LURAP1: variants seen among roughly 807,000 people sequenced by gnomAD.
LURAP1 encodes the protein leucine rich adaptor protein 1, also known as NF-kappa-B activator C1orf190.
Under a neutral mutation model 19.0 loss-of-function variants are expected in LURAP1, and 14 were observed. That is an observed-to-expected ratio of 0.74 (90% confidence interval 0.49 to 1.15). The LOEUF (loss-of-function observed/expected upper bound fraction) is 1.15, where lower values mean the gene tolerates loss of function less well. Ranked by LOEUF, LURAP1 falls within the 50% of genes most tolerant of loss-of-function variation. The probability of loss-of-function intolerance (pLI) is 0.00; values close to 1 mark genes in which losing one functional copy is unlikely to be tolerated. For missense variants in LURAP1, 273 were observed against 309.1 expected, an observed-to-expected ratio of 0.88 and a Z score of 0.87; for synonymous variants, 129 against 131.8, an observed-to-expected ratio of 0.98 and a Z score of 0.14.
At chr1:46,219,655 C>T (rs146520826) in intron 1 of LURAP1, 44 bp from the exon 2 acceptor site, 2 of 1,520,516 alleles carry the variant, frequency 1.3e-6, no homozygotes, top group African/African-American at 1.4e-5. Flanking sequence ...CTGGGGAAAC[C>T]CATGCCCCAG....
rs147346453 is a variant in LURAP1 at position 46,217,947 on chromosome 1, A to G, written c.199-1752A>G. 8.7e-4 allele frequency among the ~76,000 whole-genome samples: 132 copies of G among 152,332 alleles called. No individual in the cohort carries two copies. The Middle Eastern group carries it at 0.024, about 27-fold the overall frequency. ...TGAAATTTAAATACCAAGAAATAGC[A>G]ATATAAATATGGAGATTAGGAGGTA... is the stretch of plus-strand genomic sequence containing the variant. On this transcript the variant is annotated intron_variant, in intron 1 of 1. Coordinates refer to ENST00000371980, the MANE Select transcript of LURAP1 (RefSeq NM_001013615.3).
intron 1 of LURAP1, among the ~76,000 whole-genome samples, chr1:46,217,789 G>A (rs1432306143): frequency 1.3e-5 from 2 of 152,054 alleles, no homozygotes; most frequent in Non-Finnish European, 2.9e-5. Context: ...CCCTGGAGGC[G>A]GAGGTTGCAG....
chr1:46,204,912 G>A (rs916385975), intron 1 of LURAP1, among the ~76,000 whole-genome samples: 1 of 152,198 alleles, frequency 6.6e-6, no homozygotes, highest in Non-Finnish European at 1.5e-5. Context: ...TTTACATGAT[G>A]CTCTCTTCAT....
chr1:46,217,027 T>G (rs1209020344), intron 1 of LURAP1, among the ~76,000 whole-genome samples: 2 of 152,152 alleles, frequency 1.3e-5, no homozygotes, highest in Non-Finnish European at 1.5e-5. Flanking sequence ...TTCAATAAAT[T>G]TACCTCTTAT....
intron 1 of LURAP1, among the ~76,000 whole-genome samples, chr1:46,212,981 G>A (rs1658950731): frequency 1.3e-5 from 2 of 151,940 alleles, no homozygotes; most frequent in African/African-American, 4.8e-5. Context: ...AGCCAGGATG[G>A]TCTCGATCTC....
In LURAP1 at chr1:46,203,599, A is replaced by C; in HGVS notation, c.173A>C (p.Lys58Thr). Reference protein sequence around the residue: ...ASSTGHDLGDKIMALKMELAY... With the variant: ...ASSTGHDLGDTIMALKMELAY... The stretch of plus-strand genomic sequence containing the variant: ...AGCACCGGCCACGACTTGGGGGACA[A>C]GATCATGGCGCTGAAGATGGAGCTG... The change falls in exon 1 of 2, where the codon AAG becomes ACG. Residue 58 changes from lysine (K) to threonine (T), a missense_variant. Transcript: ENST00000371980. The C allele has an allele frequency of 6.3e-7, 1 of 1,596,180 alleles. No individual in the cohort carries two copies. Among genetic ancestry groups the C allele is most frequent in the Non-Finnish European group, 8.5e-7 (1 of 1,172,522 alleles).
At chr1:46,203,938 G>A (rs959308340) in intron 1 of LURAP1, among the ~76,000 whole-genome samples, 1 of 152,066 alleles carries the variant, frequency 6.6e-6, no homozygotes, top group Non-Finnish European at 1.5e-5. Context: ...ACCCAACGCA[G>A]CACAAATTCC....
At chr1:46,211,675 T>C (rs1658900605) in intron 1 of LURAP1, among the ~76,000 whole-genome samples, 1 of 152,222 alleles carries the variant, frequency 6.6e-6, no homozygotes, top group Admixed American at 6.5e-5. Context: ...AAGAAATCAA[T>C]TTTAATTTCA....
intron 1 of LURAP1, among the ~76,000 whole-genome samples, chr1:46,208,976 TA>T (rs1220228011): frequency 6.6e-6 from 1 of 152,180 alleles, no homozygotes; most frequent in African/African-American, 2.4e-5. Flanking sequence ...AACTCAGACC[TA>T]AAAAATGCTC....
At chr1:46,207,448 G>C (rs769497658) in intron 1 of LURAP1, among the ~76,000 whole-genome samples, 6 of 152,046 alleles carry the variant, frequency 3.9e-5, no homozygotes, top group Non-Finnish European at 5.9e-5. Flanking sequence ...TTCCTGACCT[G>C]GTTAGGTTAT....
At chr1:46,205,408 T>A (rs1658680119) in intron 1 of LURAP1, among the ~76,000 whole-genome samples, 1 of 152,226 alleles carries the variant, frequency 6.6e-6, no homozygotes, top group African/African-American at 2.4e-5. Context: ...ATCATCTGAC[T>A]GCACTTTGCA....
intron 1 of LURAP1, among the ~76,000 whole-genome samples, chr1:46,211,482 G>A (rs1223496002): frequency 1.8e-5 from 2 of 108,516 alleles, no homozygotes; most frequent in Admixed American, 1.7e-4. Flanking sequence ...CACACACACA[G>A]TAATATCACA....
intron 1 of LURAP1, 49 bp from the exon 2 acceptor site, chr1:46,219,650 G>A (rs777809587): frequency 7.3e-6 from 11 of 1,515,752 alleles, no homozygotes; most frequent in African/African-American, 1.4e-5. Flanking sequence ...AAACGCTGGG[G>A]AAACCCATGC....
intron 1 of LURAP1, among the ~76,000 whole-genome samples, chr1:46,207,416 T>TG (rs1178580292): frequency 1.3e-5 from 2 of 152,018 alleles, no homozygotes; most frequent in Non-Finnish European, 2.9e-5. Flanking sequence ...TTTCAGCTCA[T>TG]GTCCCTTATC....
chr1:46,216,085 T>C (rs1433244120), intron 1 of LURAP1, among the ~76,000 whole-genome samples: 7 of 145,726 alleles, frequency 4.8e-5, no homozygotes, highest in African/African-American at 7.7e-5. Flanking sequence ...GTCTCGCTGT[T>C]GCCCAGGCTG....
intron 1 of LURAP1, among the ~76,000 whole-genome samples, chr1:46,210,723 A>C (rs1658866603): frequency 6.6e-6 from 1 of 152,170 alleles, no homozygotes; most frequent in Non-Finnish European, 1.5e-5. Flanking sequence ...CCCTGGGTGC[A>C]CCACCCTCCA....
At chr1:46,204,289 C>T (rs1658644553) in intron 1 of LURAP1, among the ~76,000 whole-genome samples, 1 of 152,206 alleles carries the variant, frequency 6.6e-6, no homozygotes, top group Non-Finnish European at 1.5e-5. Context: ...ATATTTGGAT[C>T]TCATCTGTAC....
chr1:46,207,602 G>C (rs1275589191), intron 1 of LURAP1, among the ~76,000 whole-genome samples: 1 of 150,820 alleles, frequency 6.6e-6, no homozygotes, highest in Admixed American at 6.6e-5. Flanking sequence ...GCAGTGGTGC[G>C]ATCTCGGCTC....
intron 1 of LURAP1, among the ~76,000 whole-genome samples, chr1:46,212,400 C>T (rs1196757220): frequency 2.0e-5 from 3 of 151,710 alleles, no homozygotes; most frequent in African/African-American, 4.8e-5. Context: ...CCTGCCTCAG[C>T]CTCCCCAGCA....
Sources: allele counts gnomAD v4.1 joint callset (sites outside exome capture counted in the v4.1 genomes callset), GRCh38; gene constraint gnomAD v4.1.1; transcripts MANE v1.5; gene names NCBI Gene and HGNC (gene_info 2026-07-23, HGNC 2026-07-21).